SEMA3A: variants seen among roughly 807,000 people sequenced by gnomAD.
SEMA3A encodes semaphorin-3A.
SEMA3A carries 29 observed loss-of-function variants against 97.9 expected under a neutral mutation model. That is an observed-to-expected ratio of 0.30 (90% CI 0.22 to 0.40). The LOEUF is 0.40. Ranked by LOEUF, SEMA3A falls within the 10% of genes least tolerant of loss-of-function variation. The probability of loss-of-function intolerance (pLI) is 1.00; values close to 1 mark genes in which losing one functional copy is unlikely to be tolerated. For missense variants in SEMA3A, 763 were observed against 951.3 expected (o/e 0.80, Z 2.60); for synonymous variants, 321 against 323.7 (o/e 0.99, Z 0.09).
chr7:83,988,678 T>A (rs535094831), intron 12 of SEMA3A, among the ~76,000 whole-genome samples: 1 of 152,130 alleles, frequency 6.6e-6, no homozygotes, highest in Non-Finnish European at 1.5e-5. Context: ...TTCCAATTTT[T>A]ATACCTTAAA....
chr7:83,969,290 T>C (rs1355443093), intron 15 of SEMA3A, among the ~76,000 whole-genome samples: 1 of 152,154 alleles, frequency 6.6e-6, no homozygotes, highest in Non-Finnish European at 1.5e-5. Context: ...GAAGACAAAT[T>C]ACACTCCTCA....
rs1246323936 is a variant in SEMA3A at position 83,994,305 on chromosome 7, TTC to T, written c.1452+7648_1452+7649del. 2.6e-5 allele frequency among the ~76,000 whole-genome samples: 3 copies of T among 113,628 alleles called. 1 individual carries two copies. The highest frequency in any genetic ancestry group is 6.6e-5 in the African/African-American group (2 of 30,362). 74.5% of individuals were successfully genotyped at this position (113,628 alleles called of 152,430 possible). A position where few individuals can be genotyped will look rare whatever the true frequency, so the allele number is the denominator to read the frequency against. Reference sequence around the variant, plus strand: ...AGTAATTTGATCGTCTGAAGCCTTCTTCTCTCAGCTCATCAAAGTCATTCTCC... The same window carrying T: ...AGTAATTTGATCGTCTGAAGCCTTCTTCTCAGCTCATCAAAGTCATTCTCC... On this transcript the variant is annotated intron_variant, in intron 12 of 16. Transcript: ENST00000265362.
intron 1 of SEMA3A, among the ~76,000 whole-genome samples, chr7:84,466,721 G>C (rs1393038400): frequency 6.6e-6 from 1 of 152,156 alleles, no homozygotes; most frequent in East Asian, 1.9e-4. Context: ...AGATTAGATT[G>C]TACCCTGGAC....
At chr7:84,131,502 C>A (rs867498948) in intron 2 of SEMA3A, among the ~76,000 whole-genome samples, 1 of 152,084 alleles carries the variant, frequency 6.6e-6, no homozygotes, top group East Asian at 1.9e-4. Flanking sequence ...GAGATTGTAC[C>A]CTTTTATCAA....
chr7:84,338,401 T>C (rs979519362), intron 2 of SEMA3A, among the ~76,000 whole-genome samples: 11 of 152,044 alleles, frequency 7.2e-5, no homozygotes, highest in Admixed American at 5.9e-4. Flanking sequence ...TAGAATTACA[T>C]TCCTCCCAAA....
chr7:84,346,872 A>T (rs913072414), intron 2 of SEMA3A, among the ~76,000 whole-genome samples: 3 of 152,228 alleles, frequency 2.0e-5, no homozygotes, highest in Admixed American at 1.3e-4. Context: ...TGGTTTGTAG[A>T]AAAGGCAATT....
intron 1 of SEMA3A, among the ~76,000 whole-genome samples, chr7:84,389,728 C>T (rs982311938): frequency 1.1e-4 from 16 of 151,342 alleles, no homozygotes; most frequent in African/African-American, 3.9e-4. Context: ...TAATTACGTA[C>T]TTGAATGAAA....
intron 1 of SEMA3A, among the ~76,000 whole-genome samples, chr7:84,145,707 A>G: frequency 6.6e-6 from 1 of 152,198 alleles, no homozygotes; most frequent in East Asian, 1.9e-4. Flanking sequence ...CTGTTTTGCC[A>G]GCAGCATTAA....
At chr7:84,359,593 C>T (rs1189661718) in intron 2 of SEMA3A, among the ~76,000 whole-genome samples, 1 of 151,886 alleles carries the variant, frequency 6.6e-6, no homozygotes, top group African/African-American at 2.4e-5. Flanking sequence ...TATTGGTCTA[C>T]AATTCTCTTT....
intron 6 of SEMA3A, among the ~76,000 whole-genome samples, chr7:84,039,870 A>C (rs897876307): frequency 5.3e-5 from 8 of 152,110 alleles, no homozygotes; most frequent in Non-Finnish European, 8.8e-5. Flanking sequence ...TTCTAGGTAT[A>C]ATTATCTAAA....
chr7:84,095,387 A>ATATATATATATATATATATG (rs1794744339), intron 4 of SEMA3A, among the ~76,000 whole-genome samples: 2 of 101,604 alleles, frequency 2.0e-5, no homozygotes, highest in Non-Finnish European at 4.7e-5. Flanking sequence ...ATATATATAT[A>ATATATATATATATATATATG]TTCCCATTGA....
rs1802085560 is a variant in SEMA3A, at chr7:84,338,292, A to T, written c.-168-31000T>A. Among the ~76,000 whole-genome samples, 3 of 152,144 alleles carry T rather than the reference A, an allele frequency of 2.0e-5. No individual in the cohort carries two copies. In the South Asian group the frequency reaches 6.2e-4, roughly 31 times the overall value. ...AGAAGAGAAAAAGAAACCCATTAAG[A>T]TAACTAGAGTAATGCAAATCTGTGT... On this transcript the variant is annotated intron_variant, in intron 2 of 3. Transcript: ENST00000424555.
chr7:84,439,326 T>C (rs1438454038), intron 1 of SEMA3A, among the ~76,000 whole-genome samples: 1 of 152,082 alleles, frequency 6.6e-6, no homozygotes, highest in Non-Finnish European at 1.5e-5. Flanking sequence ...ATGAAAGGGT[T>C]AGGACAAGTG....
chr7:84,016,321 C>T (rs1222112204), intron 6 of SEMA3A, among the ~76,000 whole-genome samples: 3 of 152,010 alleles, frequency 2.0e-5, no homozygotes, highest in Non-Finnish European at 4.4e-5. Context: ...GGGTGGATCA[C>T]AAGGTCAGGA....
intron 3 of SEMA3A, among the ~76,000 whole-genome samples, chr7:84,297,081 G>T (rs974377877): frequency 1.3e-5 from 2 of 152,102 alleles, no homozygotes; most frequent in African/African-American, 2.4e-5. Context: ...AGGTTCAAGT[G>T]ATTCTCCTGC....
intron 1 of SEMA3A, among the ~76,000 whole-genome samples, chr7:84,160,606 C>T (rs544030261): frequency 2.0e-5 from 3 of 151,746 alleles, no homozygotes; most frequent in South Asian, 4.2e-4. Context: ...GGGTCAGGTG[C>T]GGTGGCTCAT....
chr7:84,419,582 G>C (rs1188841715), intron 1 of SEMA3A, among the ~76,000 whole-genome samples: 1 of 151,926 alleles, frequency 6.6e-6, no homozygotes, highest in Admixed American at 6.6e-5. Flanking sequence ...AAGCCTAGGA[G>C]GAAAAGCTTG....
chr7:83,965,643 TATATATATATATATA>T, intron 15 of SEMA3A, among the ~76,000 whole-genome samples: 1 of 9,268 alleles, frequency 1.1e-4, no homozygotes, highest in Non-Finnish European at 2.2e-4. Context: ...TATATATATA[TATATATATATATATA>T]TATATATATT....
At chr7:84,407,233 C>G (rs1388211641) in intron 1 of SEMA3A, among the ~76,000 whole-genome samples, 4 of 152,184 alleles carry the variant, frequency 2.6e-5, no homozygotes, top group Non-Finnish European at 5.9e-5. Context: ...GTGCAAAAAT[C>G]ACAAGCATTT....
Sources: gnomAD v4.1 joint callset for allele counts (sites outside exome capture counted in the v4.1 genomes callset) on GRCh38, gnomAD v4.1.1 for gene constraint, MANE v1.5 for transcripts, NCBI Gene and HGNC (gene_info 2026-07-23, HGNC 2026-07-21) for gene names.